PDZRN4: variants seen among roughly 807,000 people sequenced by gnomAD.
The protein encoded by PDZRN4 is PDZ domain-containing RING finger protein 4.
Under a neutral mutation model 99.0 loss-of-function variants are expected in PDZRN4, and 70 were observed. The observed-to-expected ratio is 0.71, with a 90% CI of 0.58 to 0.86. The LOEUF (loss-of-function observed/expected upper bound fraction) is 0.86, where lower values mean the gene tolerates loss of function less well. Ranked by LOEUF, PDZRN4 falls within the 40% of genes least tolerant of loss-of-function variation. The probability of loss-of-function intolerance (pLI) is 0.00; values close to 1 mark genes in which losing one functional copy is unlikely to be tolerated. For missense variants in PDZRN4, 1,474 were observed against 1,331.2 expected (o/e 1.11, Z -1.67); for synonymous variants, 551 against 501.6 (o/e 1.10, Z -1.32).
intron 3 of PDZRN4, among the ~76,000 whole-genome samples, chr12:41,254,753 GC>G (rs1338077145): frequency 6.6e-6 from 1 of 152,192 alleles, no homozygotes; most frequent in Non-Finnish European, 1.5e-5. Flanking sequence ...AGGCAGCCAT[GC>G]CCTTGGAAGT....
intron 3 of PDZRN4, among the ~76,000 whole-genome samples, chr12:41,276,414 G>T (rs1189778991): frequency 1.3e-5 from 2 of 152,042 alleles, no homozygotes; most frequent in Non-Finnish European, 2.9e-5. Flanking sequence ...CCTGGCCTCA[G>T]ATAGATTCAG....
At chr12:41,237,814 T>G (rs77492820) in intron 3 of PDZRN4, among the ~76,000 whole-genome samples, 4,411 of 152,206 alleles carry the variant, frequency 0.029, 165 homozygotes, top group East Asian at 0.17. Context: ...TCTATTCTGT[T>G]CCATTTGTCT....
chr12:41,301,749 TA>T (rs150516018), intron 3 of PDZRN4, among the ~76,000 whole-genome samples: 10,957 of 152,066 alleles, frequency 0.072, 710 homozygotes, highest in African/African-American at 0.18. Flanking sequence ...TGGCAGAATT[TA>T]GGTATCAGGA....
chr12:41,495,573 C>T (rs1937983875), intron 3 of PDZRN4, among the ~76,000 whole-genome samples: 1 of 152,046 alleles, frequency 6.6e-6, no homozygotes, highest in Non-Finnish European at 1.5e-5. Flanking sequence ...TCATTTTTCC[C>T]ACTAATTTCC....
chr12:41,452,638 C>G (rs1359796875), intron 3 of PDZRN4, among the ~76,000 whole-genome samples: 1 of 151,972 alleles, frequency 6.6e-6, no homozygotes, highest in Non-Finnish European at 1.5e-5. Context: ...CCCACAGAGT[C>G]AAACTCTTTA....
chr12:41,299,260 T>C (rs1276595224), intron 3 of PDZRN4, among the ~76,000 whole-genome samples: 8 of 150,086 alleles, frequency 5.3e-5, no homozygotes, highest in African/African-American at 1.8e-4. Flanking sequence ...TTTCAGAGAG[T>C]AAAATGAGAG....
chr12:41,481,051 A>G (rs1937665425), intron 3 of PDZRN4, among the ~76,000 whole-genome samples: 1 of 151,966 alleles, frequency 6.6e-6, no homozygotes, highest in Non-Finnish European at 1.5e-5. Flanking sequence ...GCTGCACATG[A>G]GGAAAGTGTG....
At chr12:41,378,074 T>A (rs1952094759) in intron 3 of PDZRN4, among the ~76,000 whole-genome samples, 1 of 152,188 alleles carries the variant, frequency 6.6e-6, no homozygotes, top group South Asian at 2.1e-4. Flanking sequence ...TTAAAAGAAT[T>A]CAGGTTTTCA....
chr12:41,205,346 T>C (rs1028064361), intron 3 of PDZRN4, among the ~76,000 whole-genome samples: 1 of 151,912 alleles, frequency 6.6e-6, no homozygotes, highest in African/African-American at 2.4e-5. Flanking sequence ...CTTATGATCC[T>C]TCTGTCTATA....
chr12:41,498,409 C>T (rs1198857832), intron 3 of PDZRN4, among the ~76,000 whole-genome samples: 1 of 152,110 alleles, frequency 6.6e-6, no homozygotes, highest in Non-Finnish European at 1.5e-5. Context: ...TCTCACAGTT[C>T]TTGAGGGTGC....
chr12:41,261,966 G>A (rs1230754168), intron 3 of PDZRN4, among the ~76,000 whole-genome samples: 1 of 152,104 alleles, frequency 6.6e-6, no homozygotes, highest in East Asian at 1.9e-4. Flanking sequence ...GAATGGGAAG[G>A]GTACAGAATG....
chr12:41,206,348 G>A (rs898592851), intron 3 of PDZRN4, among the ~76,000 whole-genome samples: 1 of 151,770 alleles, frequency 6.6e-6, no homozygotes, highest in African/African-American at 2.4e-5. Flanking sequence ...CAAAGACTTG[G>A]TATTGTGTGT....
chr12:41,446,921 C>A (rs1313098745), intron 3 of PDZRN4, among the ~76,000 whole-genome samples: 1 of 149,300 alleles, frequency 6.7e-6, no homozygotes, highest in Non-Finnish European at 1.5e-5. Context: ...TGTTTGATGT[C>A]CAGGATGTAT....
chr12:41,566,156 C>A (rs757948139), intron 8 of PDZRN4, among the ~76,000 whole-genome samples: 1 of 152,146 alleles, frequency 6.6e-6, no homozygotes, highest in Non-Finnish European at 1.5e-5. Flanking sequence ...TACTGGATTA[C>A]TCAATAAGAA....
At chr12:41,267,674 C>CAAA (rs5797720) in intron 3 of PDZRN4, among the ~76,000 whole-genome samples, 1 of 139,122 alleles carries the variant, frequency 7.2e-6, no homozygotes, top group Non-Finnish European at 1.6e-5. Context: ...ACTAAAAATA[C>CAAA]AAAAAAAAAA....
chr12:41,340,031 A>T (rs920230495), intron 3 of PDZRN4, among the ~76,000 whole-genome samples: 5 of 152,054 alleles, frequency 3.3e-5, no homozygotes, highest in Non-Finnish European at 7.4e-5. Context: ...TCCTCAAAAA[A>T]CTAAAAATAG....
At chr12:41,551,166 A>G (rs1015420818) in intron 5 of PDZRN4, among the ~76,000 whole-genome samples, 2 of 152,136 alleles carry the variant, frequency 1.3e-5, no homozygotes, top group Admixed American at 1.3e-4. Context: ...GTGTCTGGTG[A>G]GGGCCTGTTC....
intron 3 of PDZRN4, among the ~76,000 whole-genome samples, chr12:41,371,573 T>G (rs1952041886): frequency 6.6e-6 from 1 of 152,130 alleles, no homozygotes; most frequent in Non-Finnish European, 1.5e-5. Flanking sequence ...AAAGAAAAAC[T>G]AAACAACAAC....
intron 3 of PDZRN4, among the ~76,000 whole-genome samples, chr12:41,420,014 T>A (rs207472877): frequency 6.6e-6 from 1 of 152,182 alleles, no homozygotes; most frequent in Non-Finnish European, 1.5e-5. Flanking sequence ...GTAACTGAAA[T>A]TTTTGCTATT....
Sources: allele counts gnomAD v4.1 joint callset (sites outside exome capture counted in the v4.1 genomes callset), GRCh38; gene constraint gnomAD v4.1.1; transcripts MANE v1.5; gene names NCBI Gene and HGNC (gene_info 2026-07-23, HGNC 2026-07-21).